PCCA: variants seen among roughly 807,000 people sequenced by gnomAD.
PCCA encodes propionyl-CoA carboxylase alpha chain, mitochondrial.
A neutral mutation model predicts 101.3 loss-of-function variants in PCCA; 74 were observed. The ratio of observed to expected loss-of-function variants is 0.73; its 90% CI spans 0.61 to 0.89. The LOEUF is 0.89. Ranked by LOEUF, PCCA falls within the 40% of genes least tolerant of loss-of-function variation. The pLI is 0.00. For missense variants in PCCA, 891 were observed against 907.0 expected (o/e 0.98, Z 0.23); for synonymous variants, 294 against 313.6 (o/e 0.94, Z 0.66).
chr13:100,521,422 A>G (rs1334544953), intron 22 of PCCA, among the ~76,000 whole-genome samples: 2 of 152,214 alleles, frequency 1.3e-5, no homozygotes, highest in East Asian at 3.9e-4. Context: ...AGCCGGAGAA[A>G]GGGCTGGGCG....
chr13:100,430,762 T>C (rs1205626820), intron 20 of PCCA, among the ~76,000 whole-genome samples: 2 of 152,224 alleles, frequency 1.3e-5, no homozygotes, highest in African/African-American at 4.8e-5. Flanking sequence ...GTGGGGCCTG[T>C]GCTTTCTCAT....
chr13:100,368,465 A>G lies in PCCA; in HGVS notation c.1644-7A>G. 2.1e-6 allele frequency: 3 copies of G among 1,438,988 alleles called. No individual in the cohort carries two copies. The highest frequency in any genetic ancestry group is 2.9e-6 in the Non-Finnish European group (3 of 1,022,448). The allele number at this position is 1,438,988 out of a possible 1,614,324, so 89.1% of individuals were successfully genotyped here. On this transcript the variant is annotated splice_region_variant and splice_polypyrimidine_tract_variant and intron_variant, in intron 18 of 23. Coordinates refer to ENST00000376285, the MANE Select transcript of PCCA (RefSeq NM_000282.4). ...TATTAACTCTTTTTCTTTTCATTCT[A>G]CTTCAGAATGCCTGTTATTAAACCA...
At chr13:100,172,154 T>C (rs896593999) in intron 6 of PCCA, among the ~76,000 whole-genome samples, 1 of 151,256 alleles carries the variant, frequency 6.6e-6, no homozygotes, top group East Asian at 1.9e-4. Context: ...TGAGCTGAGA[T>C]TGCACCACTA....
At chr13:100,237,725 GTTATTA>G (rs372392914) in intron 8 of PCCA, among the ~76,000 whole-genome samples, 3 of 151,722 alleles carry the variant, frequency 2.0e-5, no homozygotes, top group Non-Finnish European at 2.9e-5. Flanking sequence ...TAATAATACT[GTTATTA>G]TTATTATTAC....
At chr13:100,495,823 T>A (rs1351359639) in intron 21 of PCCA, among the ~76,000 whole-genome samples, 1 of 152,258 alleles carries the variant, frequency 6.6e-6, no homozygotes, top group Non-Finnish European at 1.5e-5. Context: ...TTTGATACTT[T>A]TTAATTTTTT....
intron 19 of PCCA, among the ~76,000 whole-genome samples, chr13:100,383,391 C>T (rs1002705616): frequency 6.6e-6 from 1 of 151,980 alleles, no homozygotes; most frequent in Non-Finnish European, 1.5e-5. Flanking sequence ...CATTGAGAGG[C>T]TAAGGCGGGA....
intron 7 of PCCA, among the ~76,000 whole-genome samples, chr13:100,222,663 A>G (rs1300442553): frequency 6.6e-6 from 1 of 152,232 alleles, no homozygotes; most frequent in Non-Finnish European, 1.5e-5. Context: ...CAGAGTGCAT[A>G]TGCCAATTAC....
In PCCA at chr13:100,328,398, AATAATAATG is replaced by A. The variant is rs1043885969; in HGVS notation, c.1430-2160_1430-2152del. 1.1e-4 allele frequency among the ~76,000 whole-genome samples: 15 copies of A among 135,284 alleles called. 1 individual carries two copies. The highest frequency in any genetic ancestry group is 2.9e-4 in the African/African-American group (11 of 37,958). 88.8% of individuals were successfully genotyped at this position (135,284 alleles called of 152,430 possible). A position where few individuals can be genotyped will look rare whatever the true frequency, so the allele number is the denominator to read the frequency against. On this transcript the variant is annotated intron_variant, in intron 16 of 23. Transcript: ENST00000376285. ...TAATAATAATAATAATAATAATAAT[AATAATAATG>A]ATGATAATAATAATATATTTTATGT...
intron 19 of PCCA, among the ~76,000 whole-genome samples, chr13:100,416,788 G>C (rs2078398173): frequency 6.6e-6 from 1 of 151,866 alleles, no homozygotes; most frequent in Non-Finnish European, 1.5e-5. Context: ...CTTCCAAAGT[G>C]CTGGGATTAC....
intron 19 of PCCA, among the ~76,000 whole-genome samples, chr13:100,393,712 C>T (rs560464556): frequency 5.4e-4 from 82 of 152,110 alleles, no homozygotes; most frequent in Non-Finnish European, 1.0e-3. Flanking sequence ...TTACCGGACC[C>T]TGCCTACTCA....
chr13:100,292,143 T>G (rs1451111172), intron 12 of PCCA, among the ~76,000 whole-genome samples: 1 of 152,214 alleles, frequency 6.6e-6, no homozygotes, highest in African/African-American at 2.4e-5. Flanking sequence ...GGATCTCTCA[T>G]GAGCTTTAGG....
Position 100,425,729 on chromosome 13 carries a change from C to G in PCCA, c.1843C>G (p.Gln615Glu). Residue 615 changes from glutamine to glutamate, a missense_variant and splice_region_variant, in exon 20 of 24, where the codon CAG (glutamine) becomes GAG (glutamate). Gln to Glu is a conservative substitution (Grantham distance 29). Transcript: ENST00000376285. ...CGTTGATGGCACTCAGAGGACTGTC[C>G]AGGTGAGTGTTGTAAGGATTTCCTT... Reference protein sequence around the residue: ...VSVDGTQRTVQCLSREAGGNM... With the variant: ...VSVDGTQRTVECLSREAGGNM... The G allele has an allele frequency of 1.2e-6, 2 of 1,607,854 alleles. No homozygotes were observed. The highest frequency in any genetic ancestry group is 1.7e-6 in the Non-Finnish European group (2 of 1,174,348).
intron 9 of PCCA, among the ~76,000 whole-genome samples, chr13:100,258,179 T>C (rs752975700): frequency 6.6e-5 from 10 of 152,226 alleles, no homozygotes; most frequent in Non-Finnish European, 1.3e-4. Context: ...AATTACTGTG[T>C]CCTTTATATG....
At position 100,269,168 on chromosome 13, in the gene PCCA, T is replaced by G. The variant is rs149002455; in HGVS notation, c.914+385T>G. On this transcript the variant is annotated intron_variant, in intron 11 of 23. Transcript: ENST00000376285. ...CAGCCACATTTCTTTTTTTATTTGT[T>G]TGCTTTATCAGCTACAATTGCACTA... is the stretch of plus-strand genomic sequence containing the variant. Among the ~76,000 whole-genome samples the G allele has an allele frequency of 4.5e-3, 685 of 152,286 alleles. 3 individuals are homozygous for G. The highest frequency in any genetic ancestry group is 7.5e-3 in the Non-Finnish European group (508 of 68,008).
At chr13:100,192,879 C>G (rs2057832747) in intron 6 of PCCA, among the ~76,000 whole-genome samples, 1 of 152,182 alleles carries the variant, frequency 6.6e-6, no homozygotes, top group Non-Finnish European at 1.5e-5. Context: ...ATTTTTACCT[C>G]TTCTAGTGCA....
rs192633512 is a variant in PCCA, at chr13:100,119,629, A to G, written c.300+7568A>G. 1.4e-4 allele frequency among the ~76,000 whole-genome samples: 21 copies of G among 152,210 alleles called. No homozygotes were observed. In the East Asian group the frequency reaches 3.1e-3, roughly 22 times the overall value. On this transcript the variant is annotated intron_variant, in intron 4 of 23. Coordinates refer to ENST00000376285, the MANE Select transcript of PCCA (RefSeq NM_000282.4). Reference sequence around the variant, plus strand: ...GTTTACTTTGAACCACAGAGATACGAGCATAGGGTTTATCCTCTCTATTTC... The same window carrying G: ...GTTTACTTTGAACCACAGAGATACGGGCATAGGGTTTATCCTCTCTATTTC...
Position 100,515,567 on chromosome 13 carries a change from G to A in PCCA, c.2040G>A (p.Ala680=), listed in dbSNP as rs369982920. ...CCGTCTCTGTCAAGCCTGGAGACGC[G>A]GTAAGGGCTGTGTGTGTCTCTCTGC... is the stretch of plus-strand genomic sequence containing the variant. ...VVAVSVKPGD[A]VAEGQEICVI... Residue 680 remains alanine (A), a splice_region_variant and synonymous_variant, in exon 22 of 24, where the codon GCG becomes GCA. Coordinates refer to ENST00000376285, the MANE Select transcript of PCCA (RefSeq NM_000282.4). 6.2e-6 allele frequency: 10 copies of A among 1,613,330 alleles called. No individual in the cohort carries two copies. The South Asian group carries it at 7.7e-5, about 12-fold the overall frequency.
At chr13:100,150,600 G>A in intron 4 of PCCA, 1 of 1,197,422 alleles carries the variant, frequency 8.4e-7, no homozygotes, top group African/African-American at 1.5e-5. Flanking sequence ...TTGGCCTGCA[G>A]ATGTCAGCCC....
intron 12 of PCCA, among the ~76,000 whole-genome samples, chr13:100,290,671 T>C (rs1210424067): frequency 6.6e-6 from 1 of 152,238 alleles, no homozygotes; most frequent in Non-Finnish European, 1.5e-5. Context: ...TCTTCTGTTA[T>C]TTAACTATTT....
Sources: gnomAD v4.1 joint callset for allele counts (sites outside exome capture counted in the v4.1 genomes callset) on GRCh38, gnomAD v4.1.1 for gene constraint, MANE v1.5 for transcripts, NCBI Gene and HGNC (gene_info 2026-07-23, HGNC 2026-07-21) for gene names.